TMPRSS15: variants seen among roughly 807,000 people sequenced by gnomAD.
TMPRSS15 encodes transmembrane serine protease 15.
A neutral mutation model predicts 125.3 loss-of-function variants in TMPRSS15; 128 were observed. That is an observed-to-expected ratio of 1.02 (90% CI 0.89 to 1.18). The LOEUF (loss-of-function observed/expected upper bound fraction) is 1.18. TMPRSS15 is among the 50% of genes most tolerant of loss of function. TMPRSS15 has a pLI of 0.00. For missense variants in TMPRSS15, 1,283 were observed against 1,212.7 expected, an observed-to-expected ratio of 1.06 and a Z score of -0.86; for synonymous variants, 446 against 423.2, an observed-to-expected ratio of 1.05 and a Z score of -0.66.
chr21:18,403,464 TC>T lies in TMPRSS15; in HGVS notation c.145+13del. The stretch of plus-strand genomic sequence containing the variant: ...GCTGAGAGCACCTTCACGAGCCAAC[TC>T]CATGTGACTTACCTCGTTGGGATTC... On this transcript the variant is annotated intron_variant, in intron 1 of 24. Coordinates refer to ENST00000284885, the MANE Select transcript of TMPRSS15 (RefSeq NM_002772.3). 8 of 1,614,048 alleles carry T rather than the reference TC, an allele frequency of 5.0e-6. No homozygotes were observed. The highest frequency in any genetic ancestry group is 6.8e-6 in the Non-Finnish European group (8 of 1,179,940).
chr21:18,456,327 T>C (rs766483508), intron 1 of TMPRSS15, among the ~76,000 whole-genome samples: 1 of 152,130 alleles, frequency 6.6e-6, no homozygotes, highest in Non-Finnish European at 1.5e-5. Context: ...AACAACTACA[T>C]AGGCAAATTT....
intron 11 of TMPRSS15, 43 bp downstream of exon 11, chr21:18,343,912 C>T (rs774574792): frequency 1.3e-6 from 2 of 1,549,904 alleles, no homozygotes; most frequent in Non-Finnish European, 1.8e-6. Flanking sequence ...GGCAATGTTA[C>T]CCATTAAAAA....
At chr21:18,314,988 G>A (rs769469081) in intron 17 of TMPRSS15, among the ~76,000 whole-genome samples, 158 bp downstream of exon 17, 20 of 152,150 alleles carry the variant, frequency 1.3e-4, no homozygotes, top group South Asian at 8.3e-4. Context: ...TATCCAGATG[G>A]GGACAGAGGT....
intron 18 of TMPRSS15, among the ~76,000 whole-genome samples, chr21:18,300,061 T>A (rs2074948673): frequency 6.6e-6 from 1 of 152,170 alleles, no homozygotes; most frequent in Non-Finnish European, 1.5e-5. Context: ...GAAAGGTGTA[T>A]CATTAAAAAT....
chr21:18,277,501 T>A (rs543421782), intron 23 of TMPRSS15, among the ~76,000 whole-genome samples: 4 of 152,318 alleles, frequency 2.6e-5, no homozygotes, highest in Admixed American at 1.3e-4. Flanking sequence ...ATCATAATAT[T>A]TTTCAAGAGG....
At chr21:18,298,457 A>G (rs993965511) in intron 18 of TMPRSS15, among the ~76,000 whole-genome samples, 8 of 152,208 alleles carry the variant, frequency 5.3e-5, no homozygotes, top group African/African-American at 1.7e-4. Flanking sequence ...GAGGCACCAC[A>G]GGGTGGAGAG....
intron 1 of TMPRSS15, among the ~76,000 whole-genome samples, chr21:18,399,591 G>A (rs1295729559): frequency 6.6e-6 from 1 of 152,058 alleles, no homozygotes; most frequent in Non-Finnish European, 1.5e-5. Flanking sequence ...TCTTAAGCTG[G>A]TAAAGGGCAT....
At chr21:18,461,242 A>C (rs1170132450) in intron 1 of TMPRSS15, among the ~76,000 whole-genome samples, 1 of 152,050 alleles carries the variant, frequency 6.6e-6, no homozygotes, top group East Asian at 1.9e-4. Flanking sequence ...TCTTTCGTAC[A>C]CTTCCTTAAT....
intron 1 of TMPRSS15, among the ~76,000 whole-genome samples, chr21:18,444,638 A>T (rs183927304): frequency 2.0e-5 from 3 of 151,866 alleles, no homozygotes; most frequent in East Asian, 3.9e-4. Context: ...TATAAAAATT[A>T]AAAAAAAATC....
chr21:18,418,503 T>C (rs2076185188), intron 1 of TMPRSS15, among the ~76,000 whole-genome samples: 1 of 152,272 alleles, frequency 6.6e-6, no homozygotes, highest in African/African-American at 2.4e-5. Flanking sequence ...AACCTTAAAC[T>C]TGGGTCAACC....
At chr21:18,299,838 T>G (rs1478338828) in intron 18 of TMPRSS15, among the ~76,000 whole-genome samples, 2 of 152,188 alleles carry the variant, frequency 1.3e-5, no homozygotes, top group African/African-American at 4.8e-5. Flanking sequence ...CCAGTAGTCT[T>G]AGGCCTGCTC....
chr21:18,469,307 T>C (rs1008444897), intron 1 of TMPRSS15, among the ~76,000 whole-genome samples: 1 of 152,168 alleles, frequency 6.6e-6, no homozygotes, highest in African/African-American at 2.4e-5. Context: ...GGTTTATAGT[T>C]CCTTATCTAA....
intron 3 of TMPRSS15, among the ~76,000 whole-genome samples, chr21:18,388,872 G>A (rs1174920805): frequency 1.3e-5 from 2 of 152,060 alleles, no homozygotes; most frequent in African/African-American, 2.4e-5. Context: ...TTTCCTGCAT[G>A]TCTGTGTTTC....
chr21:18,412,127 T>G (rs1306525881), intron 1 of TMPRSS15, among the ~76,000 whole-genome samples: 1 of 152,184 alleles, frequency 6.6e-6, no homozygotes, highest in Non-Finnish European at 1.5e-5. Context: ...TTTCAGATTG[T>G]TGTGCCAGCC....
intron 1 of TMPRSS15, among the ~76,000 whole-genome samples, chr21:18,452,053 C>T (rs374103306): frequency 1.3e-5 from 2 of 151,968 alleles, no homozygotes; most frequent in Non-Finnish European, 2.9e-5. Context: ...TAGCTACATC[C>T]GAATTTTTTG....
Position 18,329,255 on chromosome 21 carries a change from T to C in TMPRSS15, c.1694A>G (p.Gln565Arg), listed in dbSNP as rs563483921. Reference sequence around the variant, plus strand: ...TAAGTCAAATTCTTGAAAATGAAGTTGTATATTCTTTCCTTTTTGTGCATT... The same window carrying C: ...TAAGTCAAATTCTTGAAAATGAAGTCGTATATTCTTTCCTTTTTGTGCATT... The part of the protein sequence containing the change: ...ILNAQKGKNI[Q>R]LHFQEFDLEN... Residue 565 changes from glutamine to arginine, a missense_variant, in exon 15 of 25, where the codon CAA becomes CGA. Gln to Arg is a conservative substitution (Grantham distance 43). Coordinates refer to ENST00000284885, the MANE Select transcript of TMPRSS15 (RefSeq NM_002772.3). The C allele has an allele frequency of 2.5e-6, 4 of 1,612,186 alleles. No individual in the cohort carries two copies. The South Asian group carries it at 4.4e-5, about 18-fold the overall frequency.
chr21:18,365,068 G>A (rs974870402), intron 7 of TMPRSS15, 72 bp downstream of exon 7: 1 of 1,250,724 alleles, frequency 8.0e-7, no homozygotes, highest in Non-Finnish European at 1.2e-6. Flanking sequence ...AAAAACTACT[G>A]AAAGCAATAA....
chr21:18,285,499 T>C (rs2074751785), intron 21 of TMPRSS15, among the ~76,000 whole-genome samples: 1 of 152,226 alleles, frequency 6.6e-6, no homozygotes, highest in Admixed American at 6.5e-5. Flanking sequence ...ATGCCAACAC[T>C]GATGTTTACA....
intron 13 of TMPRSS15, among the ~76,000 whole-genome samples, chr21:18,339,764 T>C (rs937999672): frequency 2.6e-5 from 4 of 152,222 alleles, no homozygotes; most frequent in African/African-American, 9.6e-5. Context: ...TTATTTATTA[T>C]CATAGGCATT....
Sources: allele counts gnomAD v4.1 joint callset (sites outside exome capture counted in the v4.1 genomes callset), GRCh38; gene constraint gnomAD v4.1.1; transcripts MANE v1.5; gene names NCBI Gene and HGNC (gene_info 2026-07-23, HGNC 2026-07-21).